Variants in PPP2R5C observed in about 807,000 individuals in gnomAD.
PPP2R5C encodes the protein protein phosphatase 2 regulatory subunit B'gamma.
PPP2R5C carries 7 observed loss-of-function variants against 68.9 expected under a neutral mutation model. The ratio of observed to expected loss-of-function variants is 0.10; its 90% CI spans 0.06 to 0.19. The LOEUF (loss-of-function observed/expected upper bound fraction) is 0.19, where lower values mean the gene tolerates loss of function less well. Among genes scored for constraint, PPP2R5C ranks in the 10% least tolerant of loss-of-function variants. PPP2R5C has a pLI of 1.00. For synonymous variants in PPP2R5C, 210 were observed against 222.2 expected (o/e 0.95, Z 0.49); for missense variants, 348 against 641.3 (o/e 0.54, Z 4.94).
intron 11 of PPP2R5C, among the ~76,000 whole-genome samples, chr14:101,911,035 G>A (rs903073941): frequency 1.3e-5 from 2 of 152,046 alleles, no homozygotes; most frequent in African/African-American, 2.4e-5. Context: ...CCTGGGAGGC[G>A]GAGCTTGCAG....
At chr14:101,762,769 A>G in intron 1 of PPP2R5C, 136 bp from the exon 2 acceptor site, 2 of 733,254 alleles carry the variant, frequency 2.7e-6, no homozygotes, top group Middle Eastern at 3.8e-4. Context: ...TATGATATAG[A>G]ATTTCCTAAT....
chr14:101,810,064 G>A (rs1447528646), intron 1 of PPP2R5C: 9 of 1,592,562 alleles, frequency 5.7e-6, no homozygotes, highest in Non-Finnish European at 6.9e-6. Flanking sequence ...TCACTGAATC[G>A]GAACCTTCCG....
chr14:101,870,637 T>C (rs890929758), intron 2 of PPP2R5C, among the ~76,000 whole-genome samples: 2 of 152,216 alleles, frequency 1.3e-5, no homozygotes, highest in Non-Finnish European at 2.9e-5. Flanking sequence ...TTCTAGTTAT[T>C]TTACCTTTCC....
intron 2 of PPP2R5C, among the ~76,000 whole-genome samples, chr14:101,771,612 C>T (rs966252550): frequency 2.0e-5 from 3 of 151,928 alleles, no homozygotes; most frequent in African/African-American, 7.3e-5. Flanking sequence ...TCTGTAATCC[C>T]AGCTACTCGG....
At chr14:101,807,707 G>T (rs1421445666), upstream of PPP2R5C, among the ~76,000 whole-genome samples, 2 of 151,624 alleles carry the variant, frequency 1.3e-5, no homozygotes, top group Non-Finnish European at 2.9e-5. Context: ...GATCAGCCTT[G>T]GGTTCTTTAA....
intron 2 of PPP2R5C, among the ~76,000 whole-genome samples, chr14:101,872,453 G>A (rs1358608611): frequency 1.3e-5 from 2 of 151,982 alleles, no homozygotes; most frequent in Non-Finnish European, 2.9e-5. Flanking sequence ...GCCTAAGCTG[G>A]TCTCAAACTC....
chr14:101,886,659 GA>G (rs201426904), intron 5 of PPP2R5C, among the ~76,000 whole-genome samples: 7 of 150,492 alleles, frequency 4.7e-5, no homozygotes, highest in African/African-American at 1.7e-4. Flanking sequence ...TTCATGTGAG[GA>G]AAAAAAAAGA....
Position 101,875,989 on chromosome 14 carries a change from C to G in PPP2R5C, c.295-6172C>G, listed in dbSNP as rs184947975. Among the ~76,000 whole-genome samples the G allele has an allele frequency of 3.5e-3, 530 of 152,146 alleles. 5 individuals are homozygous for G. The highest frequency in any genetic ancestry group is 0.012 in the African/African-American group (483 of 41,500). On this transcript the variant is annotated intron_variant, in intron 2 of 13. Coordinates refer to ENST00000334743, the Ensembl canonical transcript of PPP2R5C. The stretch of plus-strand genomic sequence containing the variant: ...GTAGCTGGAGTCTTCGTCTCTGTTT[C>G]TTTTTTGTATTTGCTTAATTGTTAG...
rs1026343608 is a variant in PPP2R5C at position 101,797,148 on chromosome 14, C to T, written c.259+10965C>T. The T allele has an allele frequency of 1.8e-5, 8 of 455,864 alleles. No homozygotes were observed. Among genetic ancestry groups the T allele is most frequent in the Non-Finnish European group, 2.2e-5 (5 of 226,774 alleles). 28.2% of individuals were successfully genotyped at this position (455,864 alleles called of 1,614,324 possible). On this transcript the variant is annotated intron_variant, in intron 3 of 14. Coordinates refer to the PPP2R5C transcript ENST00000328724. The surrounding 1 kb of genome is among the most constrained non-coding windows in gnomAD (Gnocchi z 4.2). ...GCCCACAGTAGGAGCCTCTTAGAAG[C>T]GGAATCGTACAGTATCTGTCTTTCT...
At chr14:101,873,957 G>A (rs907799237) in intron 2 of PPP2R5C, among the ~76,000 whole-genome samples, 1 of 152,088 alleles carries the variant, frequency 6.6e-6, no homozygotes, top group African/African-American at 2.4e-5. Flanking sequence ...CCAAATATTT[G>A]GTTGTTTCAG....
intron 13 of PPP2R5C, among the ~76,000 whole-genome samples, chr14:101,920,236 A>T (rs2046937901): frequency 6.6e-6 from 1 of 152,206 alleles, no homozygotes; most frequent in Admixed American, 6.5e-5. Flanking sequence ...CAGGCCTAGT[A>T]TCTGTGTGAT....
chr14:101,802,189 C>T (rs1287614001), intron 3 of PPP2R5C, among the ~76,000 whole-genome samples: 4 of 152,110 alleles, frequency 2.6e-5, no homozygotes, highest in Admixed American at 6.5e-5. Context: ...CTGAGACGGG[C>T]GGATCACAAG....
chr14:101,771,109 G>A (rs1479328379), intron 2 of PPP2R5C, among the ~76,000 whole-genome samples: 2 of 152,136 alleles, frequency 1.3e-5, no homozygotes, highest in African/African-American at 4.8e-5. Context: ...TCCAAACAGC[G>A]TTGTCATCTT....
Position 101,917,397 on chromosome 14 carries a change from C to G in PPP2R5C, c.1327-434C>G, listed in dbSNP as rs928003619. ...AGCTGTCTCGATGAGAGGACATGAT[C>G]GTGAGAGGAAAGGGAAAAGAATCAT... is the stretch of plus-strand genomic sequence containing the variant. On this transcript the variant is annotated intron_variant, in intron 12 of 13. Transcript: ENST00000334743. This position sits in a 1 kb window ranked among gnomAD's most constrained non-coding sequence, Gnocchi z 4.4. Among the ~76,000 whole-genome samples, 3 of 151,940 alleles carry G rather than the reference C, an allele frequency of 2.0e-5. No homozygotes were observed. The highest frequency in any genetic ancestry group is 7.3e-5 in the African/African-American group (3 of 41,350).
intron 2 of PPP2R5C, chr14:101,766,573 A>T (rs1397664959): frequency 6.6e-6 from 1 of 152,156 alleles, no homozygotes; most frequent in Non-Finnish European, 1.5e-5. Context: ...AGAAACTTCT[A>T]CTCCTTGAAT....
intron 2 of PPP2R5C, among the ~76,000 whole-genome samples, chr14:101,860,713 G>A (rs911813884): frequency 2.0e-5 from 3 of 152,128 alleles, no homozygotes; most frequent in Non-Finnish European, 1.5e-5. Flanking sequence ...TATTACAGCC[G>A]TCCTAGTGGG....
intron 2 of PPP2R5C, among the ~76,000 whole-genome samples, chr14:101,785,684 C>T (rs1204571848): frequency 2.6e-5 from 4 of 152,192 alleles, no homozygotes; most frequent in Admixed American, 6.5e-5. Flanking sequence ...TGTCGCCAAG[C>T]AAGGTCCCAT....
At chr14:101,777,029 C>A (rs1024474799) in intron 2 of PPP2R5C, among the ~76,000 whole-genome samples, 4 of 151,396 alleles carry the variant, frequency 2.6e-5, no homozygotes, top group Admixed American at 6.6e-5. Context: ...TACAGGTGCA[C>A]ACCACCATGC....
At chr14:101,796,980 C>T in intron 3 of PPP2R5C, 1 of 312,390 alleles carries the variant, frequency 3.2e-6, no homozygotes, top group East Asian at 8.7e-5. Context: ...CATAAGTGTA[C>T]AACTCGGTGG....
Sources: allele counts gnomAD v4.1 joint callset (sites outside exome capture counted in the v4.1 genomes callset), GRCh38; gene constraint gnomAD v4.1.1; non-coding constraint Gnocchi (gnomAD v3.1); transcripts MANE v1.5; gene names NCBI Gene and HGNC (gene_info 2026-07-23, HGNC 2026-07-21).